Variants in ANK3 observed in about 807,000 individuals in gnomAD.
ANK3 encodes ankyrin 3, also known as ankyrin-3.
Under a neutral mutation model 370.9 loss-of-function variants are expected in ANK3, and 57 were observed. The observed-to-expected ratio is 0.15, with a 90% confidence interval of 0.12 to 0.19. The LOEUF is 0.19. Among genes scored for constraint, ANK3 ranks in the 10% least tolerant of loss-of-function variants. The probability of loss-of-function intolerance (pLI) is 1.00; values close to 1 mark genes in which losing one functional copy is unlikely to be tolerated. For synonymous variants in ANK3, 1,929 were observed against 1,946.3 expected, an observed-to-expected ratio of 0.99 and a Z score of 0.23; for missense variants, 4,439 against 5,302.1, an observed-to-expected ratio of 0.84 and a Z score of 5.06.
At chr10:60,170,817 T>G (rs1028157919) in intron 21 of ANK3, among the ~76,000 whole-genome samples, 3 of 151,968 alleles carry the variant, frequency 2.0e-5, no homozygotes, top group Admixed American at 1.3e-4. Flanking sequence ...CTCTTAAAGC[T>G]TTTTTTTGAT....
intron 1 of ANK3, among the ~76,000 whole-genome samples, chr10:60,733,051 C>T (rs2132037387): frequency 6.6e-6 from 1 of 151,994 alleles, no homozygotes; most frequent in Admixed American, 6.5e-5. Context: ...TCGCCTCTGT[C>T]CCGGGCCGCA....
chr10:60,703,071 G>A (rs974795430), intron 1 of ANK3, among the ~76,000 whole-genome samples: 2 of 152,082 alleles, frequency 1.3e-5, no homozygotes, highest in Admixed American at 1.3e-4. Context: ...ACAGATTAAA[G>A]ACTCAGGAGA....
chr10:60,611,117 T>C (rs2078195662), intron 2 of ANK3, among the ~76,000 whole-genome samples: 1 of 152,232 alleles, frequency 6.6e-6, no homozygotes, highest in South Asian at 2.1e-4. Context: ...TATTTGCATT[T>C]CTAACACATT....
intron 1 of ANK3, among the ~76,000 whole-genome samples, chr10:60,690,584 AT>A (rs1475387365): frequency 1.3e-5 from 2 of 152,216 alleles, no homozygotes; most frequent in Non-Finnish European, 2.9e-5. Flanking sequence ...TTGAAAAAAA[AT>A]AAATGAGGAT....
chr10:60,301,123 GATAT>G (rs34302629), intron 1 of ANK3, among the ~76,000 whole-genome samples: 1 of 135,198 alleles, frequency 7.4e-6, no homozygotes. Flanking sequence ...GAATACTTCC[GATAT>G]ATATATATAT....
At position 60,650,450 on chromosome 10, in the gene ANK3, A is replaced by G. The variant is rs553957301; in HGVS notation, c.58-35226T>C. On this transcript the variant is annotated intron_variant, in intron 1 of 43. Coordinates refer to the ANK3 transcript ENST00000373827. ...GTGCTGCTAAAGAAAACTAAGGTGA[A>G]TAAGATCCATGCCCTTTGACATCAA... 2.6e-5 allele frequency among the ~76,000 whole-genome samples: 4 copies of G among 152,312 alleles called. No individual in the cohort carries two copies. In the South Asian group the frequency reaches 6.2e-4, roughly 24 times the overall value.
At chr10:60,465,607 T>G (rs765812792) in intron 2 of ANK3, among the ~76,000 whole-genome samples, 1 of 152,104 alleles carries the variant, frequency 6.6e-6, no homozygotes, top group Non-Finnish European at 1.5e-5. Flanking sequence ...TAGAGGGATA[T>G]TGAAAGGCTA....
chr10:60,252,842 G>T (rs144891798), intron 7 of ANK3, among the ~76,000 whole-genome samples: 1 of 152,142 alleles, frequency 6.6e-6, no homozygotes, highest in Admixed American at 6.5e-5. Context: ...CCTGACCTGC[G>T]TCATGCTTTA....
intron 1 of ANK3, among the ~76,000 whole-genome samples, chr10:60,702,234 C>T (rs1189704341): frequency 6.6e-6 from 1 of 151,036 alleles, no homozygotes; most frequent in Non-Finnish European, 1.5e-5. Context: ...CCACTGCACT[C>T]CAGCCTGGGA....
In ANK3 at chr10:60,075,608, G is replaced by A; in HGVS notation, c.5273C>T (p.Ala1758Val). ...ATNSVSSVVS[A>V]ATDTVEKVFS... ...CACTTTCTCAACTGTGTCAGTGGCT[G>A]CACTGACCACAGAGCTCACAGAGTT... The change falls in exon 37 of 44, where the codon GCA becomes GTA. Residue 1758 changes from alanine (A) to valine (V), a missense_variant. Physicochemically the swap from Ala to Val is moderately conservative, Grantham distance 64. This residue lies in a region of ANK3 where 679 missense variants were observed against 791.0 expected (regional missense o/e 0.86). Transcript: ENST00000280772. 6.2e-7 allele frequency: 1 copy of A among 1,614,060 alleles called. No homozygotes were observed. Among genetic ancestry groups the A allele is most frequent in the Non-Finnish European group, 8.5e-7 (1 of 1,179,984 alleles).
At chr10:60,100,854 A>G (rs1371982305) in intron 28 of ANK3, among the ~76,000 whole-genome samples, 4 of 152,230 alleles carry the variant, frequency 2.6e-5, no homozygotes, top group African/African-American at 9.6e-5. Flanking sequence ...CACTGTCCAG[A>G]GAGGCACTGT....
chr10:60,237,499 A>G (rs1036205110), intron 7 of ANK3, among the ~76,000 whole-genome samples: 1 of 152,188 alleles, frequency 6.6e-6, no homozygotes, highest in Non-Finnish European at 1.5e-5. Flanking sequence ...AGTAAGAGGA[A>G]GAAGTCTGTT....
chr10:60,306,013 G>T (rs192763305), intron 1 of ANK3, among the ~76,000 whole-genome samples: 17 of 152,068 alleles, frequency 1.1e-4, no homozygotes, highest in Admixed American at 9.2e-4. Context: ...AAAATAAACT[G>T]AAGAAATCAC....
chr10:60,249,989 A>AT (rs1349232269), intron 7 of ANK3, among the ~76,000 whole-genome samples: 9 of 152,180 alleles, frequency 5.9e-5, no homozygotes, highest in Non-Finnish European at 1.2e-4. Flanking sequence ...AAAATTGTAT[A>AT]TTTTTTGTGA....
chr10:60,087,752 A>G (rs1322004882), intron 29 of ANK3, among the ~76,000 whole-genome samples: 1 of 152,246 alleles, frequency 6.6e-6, no homozygotes, highest in East Asian at 1.9e-4. Context: ...ACTGGTTTGG[A>G]TAAAACCCAG....
intron 23 of ANK3, chr10:60,140,741 A>G (rs2094524090): frequency 7.1e-6 from 8 of 1,122,408 alleles, no homozygotes; most frequent in Non-Finnish European, 8.7e-6. Context: ...ACATAAATGC[A>G]AGCCCCTGAG....
Position 60,139,243 on chromosome 10 carries a change from G to A in ANK3, c.2615-156C>T, listed in dbSNP as rs905659225. 66 of 855,966 alleles carry A rather than the reference G, an allele frequency of 7.7e-5. No individual in the cohort carries two copies. The African/African-American group carries it at 9.7e-4, about 13-fold the overall frequency. 53.0% of individuals were successfully genotyped at this position (855,966 alleles called of 1,614,324 possible). A position where few individuals can be genotyped will look rare whatever the true frequency, so the allele number is the denominator to read the frequency against. On this transcript the variant is annotated intron_variant, in intron 23 of 43. Coordinates refer to ENST00000280772, the MANE Select transcript of ANK3 (RefSeq NM_020987.5). The stretch of plus-strand genomic sequence containing the variant: ...AATTTTTGAAACTCTCATTTAGAAG[G>A]AAAAGGTATAGGTAAAGGTTAGTAC...
Position 60,114,252 on chromosome 10 carries a change from T to C in ANK3, c.2921A>G (p.Asn974Ser), listed in dbSNP as rs770063604. Reference sequence around the variant, plus strand: ...AGAATGAATGGGGCTTGAAACAAGATTGACATTGTCTAAGGTGTCTGCAGC... The same window carrying C: ...AGAATGAATGGGGCTTGAAACAAGACTGACATTGTCTAAGGTGTCTGCAGC... Reference protein sequence around the residue: ...SWAADTLDNVNLVSSPIHSGF... With the variant: ...SWAADTLDNVSLVSSPIHSGF... The change falls in exon 26 of 44, where the codon AAT (asparagine) becomes AGT (serine). Residue 974 changes from asparagine (N) to serine (S), a missense_variant. Transcript: ENST00000280772. The C allele has an allele frequency of 3.7e-6, 6 of 1,607,012 alleles. No individual in the cohort carries two copies. Among genetic ancestry groups the C allele is most frequent in the East Asian group, 2.3e-5 (1 of 44,356 alleles).
At chr10:60,685,446 G>C (rs1286573855) in intron 1 of ANK3, among the ~76,000 whole-genome samples, 1 of 151,968 alleles carries the variant, frequency 6.6e-6, no homozygotes, top group African/African-American at 2.4e-5. Context: ...TCAGTTATTA[G>C]AAAATGCTCA....
Sources: gnomAD v4.1 joint callset for allele counts (sites outside exome capture counted in the v4.1 genomes callset) on GRCh38, gnomAD v4.1.1 for gene constraint, gnomAD v4.1.1 regional missense constraint, MANE v1.5 for transcripts, NCBI Gene and HGNC (gene_info 2026-07-23, HGNC 2026-07-21) for gene names.